Variants in MCC observed in about 807,000 individuals in gnomAD.
MCC encodes MCC regulator of Wnt signaling pathway.
A neutral mutation model predicts 116.2 loss-of-function variants in MCC; 90 were observed. The observed-to-expected ratio is 0.77, with a 90% confidence interval of 0.65 to 0.92. MCC has a LOEUF of 0.92. MCC is among the 40% of genes least tolerant of loss of function. MCC has a pLI of 0.00. For synonymous variants in MCC, 578 were observed against 510.5 expected, an observed-to-expected ratio of 1.13 and a Z score of -1.78; for missense variants, 1,516 against 1,312.2, an observed-to-expected ratio of 1.16 and a Z score of -2.40.
intron 1 of MCC, among the ~76,000 whole-genome samples, chr5:113,423,785 G>A (rs1251701967): frequency 2.0e-5 from 3 of 151,990 alleles, no homozygotes; most frequent in Non-Finnish European, 2.9e-5. Flanking sequence ...TTCTCAACCC[G>A]GGCAGAAAAC....
At chr5:113,343,053 A>G (rs1388616924) in intron 2 of MCC, among the ~76,000 whole-genome samples, 1 of 152,240 alleles carries the variant, frequency 6.6e-6, no homozygotes, top group East Asian at 1.9e-4. Context: ...ATGAGAACAT[A>G]TACAGATTAC....
At chr5:113,177,343 T>C (rs374710001) in intron 3 of MCC, among the ~76,000 whole-genome samples, 13 of 152,224 alleles carry the variant, frequency 8.5e-5, no homozygotes, top group Non-Finnish European at 1.8e-4. Context: ...AAGACTAACA[T>C]TGACTAGTTC....
chr5:113,464,088 G>T (rs1204108790), intron 1 of MCC, among the ~76,000 whole-genome samples: 1 of 139,164 alleles, frequency 7.2e-6, no homozygotes, highest in East Asian at 2.3e-4. Flanking sequence ...TTACTGACAA[G>T]GTCACTAGTG....
At chr5:113,327,561 A>AAAAAAAAATATAT (rs1480996383) in intron 3 of MCC, among the ~76,000 whole-genome samples, 5 of 80,582 alleles carry the variant, frequency 6.2e-5, no homozygotes, top group African/African-American at 2.5e-4. Context: ...AAAAAAAAAA[A>AAAAAAAAATATAT]ATATATATAT....
intron 3 of MCC, among the ~76,000 whole-genome samples, chr5:113,270,963 A>C (rs1054345888): frequency 6.6e-6 from 1 of 152,108 alleles, no homozygotes; most frequent in African/African-American, 2.4e-5. Flanking sequence ...TCCTTGGGGA[A>C]ATTTAACATT....
chr5:113,265,205 T>G (rs1445824674), intron 3 of MCC, among the ~76,000 whole-genome samples: 1 of 152,220 alleles, frequency 6.6e-6, no homozygotes, highest in Non-Finnish European at 1.5e-5. Flanking sequence ...TGCCTATCCC[T>G]GTGCTCTGGG....
chr5:113,365,017 T>C (rs6594709), intron 2 of MCC, among the ~76,000 whole-genome samples: 66,882 of 151,880 alleles, frequency 0.44, 16,166 homozygotes, highest in African/African-American at 0.64. Flanking sequence ...GTCTTTTCCC[T>C]ATTGTCTTGG....
At chr5:113,206,481 G>A (rs1034226677) in intron 3 of MCC, among the ~76,000 whole-genome samples, 13 of 152,170 alleles carry the variant, frequency 8.5e-5, no homozygotes, top group Non-Finnish European at 1.8e-4. Context: ...TTGGGAGGCT[G>A]AGGCAGGCCT....
chr5:113,224,011 A>G (rs1040618805), intron 3 of MCC, among the ~76,000 whole-genome samples: 3 of 152,108 alleles, frequency 2.0e-5, no homozygotes, highest in Non-Finnish European at 4.4e-5. Context: ...GGGACTCACC[A>G]TTTCAGATCT....
chr5:113,117,978 T>G (rs1030506843), intron 6 of MCC, among the ~76,000 whole-genome samples: 1 of 152,226 alleles, frequency 6.6e-6, no homozygotes, highest in African/African-American at 2.4e-5. Context: ...CTGGCATGTC[T>G]TCCTGTTTAA....
At chr5:113,113,114 C>A (rs544177497) in intron 6 of MCC, among the ~76,000 whole-genome samples, 2 of 152,208 alleles carry the variant, frequency 1.3e-5, no homozygotes, top group Non-Finnish European at 2.9e-5. Flanking sequence ...CACCACCCAC[C>A]CTTCTTTTCT....
intron 3 of MCC, among the ~76,000 whole-genome samples, chr5:113,262,315 A>C (rs1765247752): frequency 6.6e-6 from 1 of 152,144 alleles, no homozygotes; most frequent in Admixed American, 6.6e-5. Flanking sequence ...TATCAGGTTG[A>C]AAGAAAAAAA....
In MCC at chr5:113,236,400, T is replaced by C. The variant is rs141842775; in HGVS notation, c.628-84978A>G. 3.2e-3 allele frequency among the ~76,000 whole-genome samples: 486 copies of C among 152,328 alleles called. 4 individuals carry two copies. Among genetic ancestry groups the C allele is most frequent in the African/African-American group, 0.011 (460 of 41,584 alleles). On this transcript the variant is annotated intron_variant, in intron 3 of 18. Coordinates refer to ENST00000408903, the MANE Select transcript of MCC (RefSeq NM_001085377.2). ...AAAGGCAGTATCGAGGATAAGAGCATGGGCTCTTGGAACCACACTCCCATG... is the reference window on the plus strand; with the variant it reads ...AAAGGCAGTATCGAGGATAAGAGCACGGGCTCTTGGAACCACACTCCCATG...
chr5:113,349,569 C>A (rs1429091122), intron 2 of MCC, among the ~76,000 whole-genome samples: 2 of 151,946 alleles, frequency 1.3e-5, no homozygotes, highest in African/African-American at 2.4e-5. Flanking sequence ...CTAAATGTGG[C>A]AGACCCACAG....
At chr5:113,396,610 T>C (rs1374161302) in intron 1 of MCC, among the ~76,000 whole-genome samples, 2 of 152,168 alleles carry the variant, frequency 1.3e-5, no homozygotes, top group East Asian at 1.9e-4. Context: ...CACTCCAGCC[T>C]GGGTGACAAA....
At chr5:113,066,572 C>T (rs1753618817) in intron 13 of MCC, among the ~76,000 whole-genome samples, 1 of 152,180 alleles carries the variant, frequency 6.6e-6, no homozygotes, top group Admixed American at 6.5e-5. Flanking sequence ...GGATATGAAG[C>T]AGGAAATTAA....
chr5:113,473,250 G>T (rs370450540), intron 1 of MCC, among the ~76,000 whole-genome samples: 1 of 152,270 alleles, frequency 6.6e-6, no homozygotes, highest in East Asian at 1.9e-4. Flanking sequence ...CTGGCTGGGT[G>T]CAGGGGCTCA....
chr5:113,433,940 G>A (rs765421466), intron 1 of MCC: 26 of 1,613,854 alleles, frequency 1.6e-5, no homozygotes, highest in Admixed American at 5.0e-5. Context: ...AGCCAGGTTC[G>A]GGGGTCCACA....
intron 3 of MCC, among the ~76,000 whole-genome samples, chr5:113,243,762 C>T (rs1189410381): frequency 1.3e-5 from 2 of 152,244 alleles, no homozygotes; most frequent in East Asian, 1.9e-4. Context: ...GCCTTGAGGA[C>T]GGGCTCATGG....
Sources: allele counts gnomAD v4.1 joint callset (sites outside exome capture counted in the v4.1 genomes callset), GRCh38; gene constraint gnomAD v4.1.1; transcripts MANE v1.5; gene names NCBI Gene and HGNC (gene_info 2026-07-23, HGNC 2026-07-21).